The following CCDC126 variants were observed in gnomAD, a reference collection of about 807,000 sequenced individuals.
CCDC126 encodes coiled-coil domain-containing protein 126.
Under a neutral mutation model 11.7 loss-of-function variants are expected in CCDC126, and 5 were observed. The observed-to-expected ratio is 0.43, with a 90% CI of 0.22 to 0.90. The LOEUF (loss-of-function observed/expected upper bound fraction) is 0.90, where lower values mean the gene tolerates loss of function less well. Among genes scored for constraint, CCDC126 ranks in the 40% least tolerant of loss-of-function variants. The pLI is 0.27. For synonymous variants in CCDC126, 60 were observed against 61.9 expected, an observed-to-expected ratio of 0.97 and a Z score of 0.14; for missense variants, 150 against 163.1, an observed-to-expected ratio of 0.92 and a Z score of 0.44.
chr7:23,636,806 C>T (rs1225733876), intron 3 of CCDC126, among the ~76,000 whole-genome samples: 3 of 129,600 alleles, frequency 2.3e-5, no homozygotes, highest in South Asian at 2.6e-4. Flanking sequence ...CCAGCCGCCC[C>T]GTCCGGGAGG....
intron 3 of CCDC126, 31 bp downstream of exon 3, chr7:23,611,584 C>T (rs1782712148): frequency 6.2e-6 from 9 of 1,453,212 alleles, no homozygotes; most frequent in Non-Finnish European, 7.7e-6. Context: ...TTCTAGTTTC[C>T]TCCAATCCCT....
rs1287522855 is a variant in CCDC126 at position 23,643,998 on chromosome 7, A to G, written c.*883A>G. The G allele has an allele frequency of 6.6e-6, 1 of 152,092 alleles. No homozygotes were observed. The highest frequency in any genetic ancestry group is 1.5e-5 in the Non-Finnish European group (1 of 67,960). The allele number at this position is 152,092 out of a possible 1,614,324, so 9.4% of individuals were successfully genotyped here. ...TTTGGGTTAATTTTGCTTTTATTAT[A>G]TTGGTCTAGGAGGAAGGGACTTTGG... On this transcript the variant is annotated 3_prime_UTR_variant, in exon 4 of 4. Coordinates refer to ENST00000307471, the MANE Select transcript of CCDC126 (RefSeq NM_138771.4).
rs544227548 is a variant in CCDC126 at position 23,630,526 on chromosome 7, G to C, written c.239-12405G>C. Among the ~76,000 whole-genome samples the C allele has an allele frequency of 2.7e-5, 4 of 149,144 alleles. No individual in the cohort carries two copies. The East Asian group carries it at 7.8e-4, about 29-fold the overall frequency. On this transcript the variant is annotated intron_variant, in intron 3 of 3. Transcript: ENST00000307471. The stretch of plus-strand genomic sequence containing the variant: ...ATCAATCAATCAATCATCCATGAAG[G>C]CTGGGTGTGGTGGCTCACACCTGTA...
chr7:23,608,914 T>G (rs1782661470), intron 2 of CCDC126, among the ~76,000 whole-genome samples: 1 of 151,838 alleles, frequency 6.6e-6, no homozygotes, highest in African/African-American at 2.4e-5. Flanking sequence ...AGGTGGGGAG[T>G]GCTGATTGTT....
chr7:23,637,926 C>T (rs1227928852), intron 3 of CCDC126, among the ~76,000 whole-genome samples: 3 of 77,848 alleles, frequency 3.9e-5, no homozygotes, highest in South Asian at 4.9e-4. Context: ...GAAGTGAGGA[C>T]CCCTCTGCCC....
intron 2 of CCDC126, among the ~76,000 whole-genome samples, chr7:23,601,502 G>A (rs746723670): frequency 1.6e-4 from 24 of 152,188 alleles, no homozygotes; most frequent in Non-Finnish European, 3.1e-4. Flanking sequence ...ATTTTATCTT[G>A]TGTTTTGAAA....
rs1282212809 is a variant in CCDC126, at chr7:23,644,477, A to C, written c.*1362A>C. 6.6e-6 allele frequency: 1 copy of C among 152,548 alleles called. No homozygotes were observed. Among genetic ancestry groups the C allele is most frequent in the Non-Finnish European group, 1.5e-5 (1 of 67,956 alleles). The allele number at this position is 152,548 out of a possible 1,614,324, so 9.4% of individuals were successfully genotyped here. A position where few individuals can be genotyped will look rare whatever the true frequency, so the allele number is the denominator to read the frequency against. On this transcript the variant is annotated 3_prime_UTR_variant, in exon 4 of 4. Transcript: ENST00000307471. Reference sequence around the variant, plus strand: ...ATTATAATATGCTACCACATGTAGCAATAATTACAATATTTTATTAAAATA... The same window carrying C: ...ATTATAATATGCTACCACATGTAGCCATAATTACAATATTTTATTAAAATA...
At chr7:23,605,501 G>T (rs1782609193) in intron 2 of CCDC126, among the ~76,000 whole-genome samples, 1 of 151,850 alleles carries the variant, frequency 6.6e-6, no homozygotes, top group Admixed American at 6.6e-5. Flanking sequence ...ACAGTTCAGT[G>T]ACATTAAGTA....
intron 2 of CCDC126, among the ~76,000 whole-genome samples, chr7:23,609,506 A>C (rs1222146876): frequency 1.3e-5 from 2 of 152,158 alleles, no homozygotes; most frequent in African/African-American, 4.8e-5. Flanking sequence ...TTAGTCCTGC[A>C]AAGGTACTCT....
intron 3 of CCDC126, among the ~76,000 whole-genome samples, chr7:23,632,866 A>G (rs549803456): frequency 3.5e-4 from 53 of 152,338 alleles, no homozygotes; most frequent in African/African-American, 1.1e-3. Context: ...GGTGATTTGT[A>G]TCATTTAGGC....
rs151319921 is a variant in CCDC126 at position 23,623,831 on chromosome 7, G to A, written c.238+12278G>A. 2.1e-3 allele frequency among the ~76,000 whole-genome samples: 312 copies of A among 152,080 alleles called. 3 individuals are homozygous for A. Among genetic ancestry groups the A allele is most frequent in the African/African-American group, 7.0e-3 (290 of 41,496 alleles). The stretch of plus-strand genomic sequence containing the variant: ...TATCCACAATTTATGACATCACTTC[G>A]TAACCCATAAATTTATACAATTATA... On this transcript the variant is annotated intron_variant, in intron 3 of 3. Transcript: ENST00000307471.
chr7:23,639,255 G>A (rs1442594492), intron 3 of CCDC126, among the ~76,000 whole-genome samples: 7 of 148,632 alleles, frequency 4.7e-5, no homozygotes, highest in Non-Finnish European at 8.9e-5. Context: ...GCAGTGGCAC[G>A]ATCTCAGCTC....
intron 3 of CCDC126, among the ~76,000 whole-genome samples, chr7:23,626,583 T>C (rs1783019975): frequency 6.6e-6 from 1 of 152,148 alleles, no homozygotes; most frequent in South Asian, 2.1e-4. Context: ...GGGGGTTCAT[T>C]GTACATATTA....
intron 2 of CCDC126, among the ~76,000 whole-genome samples, chr7:23,600,386 CCA>C (rs1491422635): frequency 8.3e-5 from 12 of 144,766 alleles, no homozygotes; most frequent in South Asian, 2.4e-4. Flanking sequence ...CCCCCCCCCC[CCA>C]CCACCATATT....
intron 2 of CCDC126, among the ~76,000 whole-genome samples, chr7:23,607,578 A>G (rs1782642489): frequency 1.3e-5 from 2 of 152,204 alleles, no homozygotes; most frequent in South Asian, 4.1e-4. Context: ...AAAGAAGTCA[A>G]AACTTCTTAT....
At chr7:23,632,672 C>T (rs1330817299) in intron 3 of CCDC126, among the ~76,000 whole-genome samples, 2 of 152,158 alleles carry the variant, frequency 1.3e-5, no homozygotes, top group Non-Finnish European at 2.9e-5. Context: ...TTATTTCTTA[C>T]AACTCTTTGT....
chr7:23,616,522 C>T (rs1471955260), intron 3 of CCDC126, among the ~76,000 whole-genome samples: 1 of 152,140 alleles, frequency 6.6e-6, no homozygotes, highest in Non-Finnish European at 1.5e-5. Context: ...TCCCCTCAAC[C>T]CTCATGCTTC....
At chr7:23,617,325 G>A (rs28391203) in intron 3 of CCDC126, among the ~76,000 whole-genome samples, 6,439 of 138,956 alleles carry the variant, frequency 0.046, 186 homozygotes, top group Middle Eastern at 0.11. Context: ...TCTAATCTGG[G>A]GAACAGAGTG....
intron 3 of CCDC126, among the ~76,000 whole-genome samples, chr7:23,631,110 C>A (rs1296166975): frequency 2.6e-5 from 4 of 151,704 alleles, no homozygotes; most frequent in Admixed American, 2.6e-4. Flanking sequence ...AAAAGAAAAG[C>A]AAACTAAATC....
Sources: gnomAD v4.1 joint callset for allele counts (sites outside exome capture counted in the v4.1 genomes callset) on GRCh38, gnomAD v4.1.1 for gene constraint, MANE v1.5 for transcripts, NCBI Gene and HGNC (gene_info 2026-07-23, HGNC 2026-07-21) for gene names.